CALN1: variants seen among roughly 807,000 people sequenced by gnomAD.
The protein encoded by CALN1 is calneuron 1.
In CALN1, 17 loss-of-function variants were observed where a neutral mutation model predicts 30.6. The observed-to-expected ratio is 0.56, with a 90% CI of 0.38 to 0.83. The LOEUF (loss-of-function observed/expected upper bound fraction) is 0.83. CALN1 is among the 40% of genes least tolerant of loss of function. The pLI, the probability that CALN1 is intolerant of heterozygous loss-of-function variation, is 0.00. For missense variants in CALN1, 291 were observed against 354.9 expected (o/e 0.82, Z 1.45); for synonymous variants, 156 against 131.4 (o/e 1.19, Z -1.28).
At chr7:72,321,575 T>A (rs1562884159) in intron 2 of CALN1, among the ~76,000 whole-genome samples, 1 of 152,216 alleles carries the variant, frequency 6.6e-6, no homozygotes, top group Non-Finnish European at 1.5e-5. Context: ...GGAAACAAGC[T>A]GTTGAACATC....
chr7:71,867,650 G>T (rs1791667521), intron 5 of CALN1, among the ~76,000 whole-genome samples: 3 of 152,102 alleles, frequency 2.0e-5, no homozygotes, highest in Non-Finnish European at 4.4e-5. Flanking sequence ...GGCCAGGATG[G>T]TCTCGATCTT....
At chr7:71,963,969 A>C (rs1797399579) in intron 5 of CALN1, among the ~76,000 whole-genome samples, 1 of 152,114 alleles carries the variant, frequency 6.6e-6, no homozygotes, top group South Asian at 2.1e-4. Context: ...TGTCCCCAAA[A>C]TATGTCTTGT....
At chr7:72,477,159 T>G in the CALN1 span, among the ~76,000 whole-genome samples, 1 of 151,704 alleles carries the variant, frequency 6.6e-6, no homozygotes, top group African/African-American at 2.4e-5. Flanking sequence ...TGCAGTGAGC[T>G]GAGATCGTGC....
At chr7:72,394,156 G>GA (rs1423417306) in intron 2 of CALN1, among the ~76,000 whole-genome samples, 1 of 152,072 alleles carries the variant, frequency 6.6e-6, no homozygotes, top group Admixed American at 6.5e-5. Flanking sequence ...TCATCATGAA[G>GA]ACACTTCTCT....
At chr7:72,203,978 T>TTTA (rs1791629925) in intron 3 of CALN1, among the ~76,000 whole-genome samples, 1 of 102,882 alleles carries the variant, frequency 9.7e-6, no homozygotes, top group Non-Finnish European at 1.7e-5. Flanking sequence ...GAGGCCTCTC[T>TTTA]CTTTTTTTTT....
intron 4 of CALN1, among the ~76,000 whole-genome samples, chr7:72,062,746 G>A (rs1389131934): frequency 6.6e-6 from 1 of 152,026 alleles, no homozygotes; most frequent in Non-Finnish European, 1.5e-5. Flanking sequence ...GAAATGGATT[G>A]ATTCTTCAGA....
intron 3 of CALN1, among the ~76,000 whole-genome samples, chr7:72,268,089 T>G (rs1431824222): frequency 6.6e-6 from 1 of 152,198 alleles, no homozygotes; most frequent in Non-Finnish European, 1.5e-5. Context: ...TTAATCCACA[T>G]AAAACACTTT....
At chr7:71,820,740 C>T (rs1788539932) in intron 5 of CALN1, among the ~76,000 whole-genome samples, 1 of 152,132 alleles carries the variant, frequency 6.6e-6, no homozygotes, top group Non-Finnish European at 1.5e-5. Context: ...GTATTTTTAT[C>T]CACTAAAACA....
At chr7:71,972,017 AAAG>A (rs1411008382) in intron 5 of CALN1, among the ~76,000 whole-genome samples, 9 of 121,364 alleles carry the variant, frequency 7.4e-5, no homozygotes, top group Non-Finnish European at 1.1e-4. Flanking sequence ...AAAAGAAAGA[AAAG>A]AAAGAAAGAA....
At chr7:72,294,576 CTCA>C (rs1259121785) in intron 2 of CALN1, among the ~76,000 whole-genome samples, 1 of 151,932 alleles carries the variant, frequency 6.6e-6, no homozygotes, top group Non-Finnish European at 1.5e-5. Flanking sequence ...ACAGCGAAAC[CTCA>C]TCTCTATGAA....
intron 5 of CALN1, among the ~76,000 whole-genome samples, chr7:71,889,072 C>G (rs895780423): frequency 9.9e-5 from 15 of 152,122 alleles, no homozygotes; most frequent in African/African-American, 3.4e-4. Flanking sequence ...GGAACTGCAC[C>G]CCAGTGCCCA....
chr7:72,359,849 C>T (rs1438584574), intron 2 of CALN1, among the ~76,000 whole-genome samples: 2 of 151,702 alleles, frequency 1.3e-5, no homozygotes, highest in South Asian at 4.2e-4. Context: ...TGGTGGCGGG[C>T]GCCTGTAGTC....
At chr7:72,396,241 A>AAC (rs1805933615) in intron 2 of CALN1, among the ~76,000 whole-genome samples, 1 of 92,016 alleles carries the variant, frequency 1.1e-5, no homozygotes, top group Non-Finnish European at 1.9e-5. Flanking sequence ...CTACTAAAAA[A>AAC]AAAAAAAAAA....
intron 5 of CALN1, among the ~76,000 whole-genome samples, chr7:72,006,165 C>G (rs773402252): frequency 3.3e-5 from 5 of 152,122 alleles, no homozygotes; most frequent in Admixed American, 6.6e-5. Context: ...CCAGATTTAA[C>G]AGACATTGGG....
intron 1 of CALN1, among the ~76,000 whole-genome samples, chr7:72,404,690 G>C (rs1292046690): frequency 1.3e-5 from 2 of 152,198 alleles, no homozygotes; most frequent in South Asian, 2.1e-4. Context: ...ATTCTGGTGA[G>C]AGGTGCATGC....
At chr7:72,035,042 C>T (rs930450322) in intron 4 of CALN1, among the ~76,000 whole-genome samples, 8 of 152,050 alleles carry the variant, frequency 5.3e-5, no homozygotes, top group African/African-American at 7.2e-5. Context: ...TTCATTGGCA[C>T]GTCTGGCAGG....
intron 3 of CALN1, among the ~76,000 whole-genome samples, chr7:72,204,064 T>C (rs1742676280): frequency 7.4e-6 from 1 of 135,552 alleles, no homozygotes; most frequent in Admixed American, 8.1e-5. Context: ...CAATCTCAGC[T>C]CACTGCAAGC....
chr7:71,981,672 A>G (rs1341082154), intron 5 of CALN1, among the ~76,000 whole-genome samples: 1 of 140,824 alleles, frequency 7.1e-6, no homozygotes, highest in Non-Finnish European at 1.5e-5. Flanking sequence ...AAAAAACAAA[A>G]CCAAAAAAAA....
At chr7:71,898,044 T>C (rs951976475) in intron 5 of CALN1, among the ~76,000 whole-genome samples, 8 of 134,800 alleles carry the variant, frequency 5.9e-5, no homozygotes, top group Non-Finnish European at 1.2e-4. Context: ...AGAGAGAATG[T>C]TGGCAATCAA....
Sources: gnomAD v4.1 joint callset for allele counts (sites outside exome capture counted in the v4.1 genomes callset) on GRCh38, gnomAD v4.1.1 for gene constraint, MANE v1.5 for transcripts, NCBI Gene and HGNC (gene_info 2026-07-23, HGNC 2026-07-21) for gene names.